The following PTPRQ variants were observed in gnomAD, a reference collection of about 807,000 sequenced individuals.
The protein encoded by PTPRQ is phosphatidylinositol phosphatase PTPRQ.
In PTPRQ, 199 loss-of-function variants were observed where a neutral mutation model predicts 246.0. The observed-to-expected ratio is 0.81, with a 90% CI of 0.72 to 0.91. PTPRQ has a LOEUF of 0.91. Ranked by LOEUF, PTPRQ falls within the 40% of genes least tolerant of loss-of-function variation. The pLI is 0.00. For missense variants in PTPRQ, 2,624 were observed against 2,528.4 expected (o/e 1.04, Z -0.81); for synonymous variants, 869 against 853.2 (o/e 1.02, Z -0.32).
chr12:80,666,136 T>C (rs1265086645), intron 39 of PTPRQ, among the ~76,000 whole-genome samples: 2 of 152,020 alleles, frequency 1.3e-5, no homozygotes, highest in Non-Finnish European at 2.9e-5. Context: ...TGCAGCACTA[T>C]TCACAATAGA....
chr12:80,490,781 A>G (rs1048796579), intron 9 of PTPRQ, among the ~76,000 whole-genome samples: 1 of 151,650 alleles, frequency 6.6e-6, no homozygotes, highest in Non-Finnish European at 1.5e-5. Flanking sequence ...TTTCCCTCCT[A>G]TTTCTCTCAT....
rs962278898 is a variant in PTPRQ, at chr12:80,492,037, A to G, written c.1360-1238A>G. On this transcript the variant is annotated intron_variant, in intron 9 of 44. Coordinates refer to ENST00000644991, the MANE Select transcript of PTPRQ (RefSeq NM_001145026.2). Reference sequence around the variant, plus strand: ...GAAGCAGAACTTGAAAAAAATTAGTAAAAGAGAGTAGATTTTTCAGCATAT... The same window carrying G: ...GAAGCAGAACTTGAAAAAAATTAGTGAAAGAGAGTAGATTTTTCAGCATAT... 1.7e-4 allele frequency among the ~76,000 whole-genome samples: 26 copies of G among 151,878 alleles called. 1 individual carries two copies. Among genetic ancestry groups the G allele is most frequent in the Non-Finnish European group, 8.8e-5 (6 of 67,872 alleles).
At chr12:80,593,047 T>C (rs1199201923) in intron 26 of PTPRQ, among the ~76,000 whole-genome samples, 2 of 152,064 alleles carry the variant, frequency 1.3e-5, no homozygotes. Context: ...TGTTTCATGA[T>C]ATAAAATAAA....
At chr12:80,626,175 A>G (rs1332861480) in intron 33 of PTPRQ, among the ~76,000 whole-genome samples, 1 of 152,198 alleles carries the variant, frequency 6.6e-6, no homozygotes, top group Non-Finnish European at 1.5e-5. Flanking sequence ...TTACTTCCCT[A>G]AAGTCACCAG....
At chr12:80,475,026 AAT>A (rs1434495833) in intron 8 of PTPRQ, among the ~76,000 whole-genome samples, 3 of 152,164 alleles carry the variant, frequency 2.0e-5, no homozygotes, top group African/African-American at 4.8e-5. Context: ...TGTTTTTCAA[AAT>A]ATACTTCTAA....
At chr12:80,505,078 G>T (rs576213514) in intron 14 of PTPRQ, among the ~76,000 whole-genome samples, 1 of 151,908 alleles carries the variant, frequency 6.6e-6, no homozygotes, top group African/African-American at 2.4e-5. Context: ...AGGTCTTTCT[G>T]CAGGGATATC....
At chr12:80,521,069 G>A (rs1895466268) in intron 17 of PTPRQ, among the ~76,000 whole-genome samples, 1 of 151,956 alleles carries the variant, frequency 6.6e-6, no homozygotes, top group South Asian at 2.1e-4. Context: ...GGTGTGAGAT[G>A]GTATCTCATT....
At chr12:80,618,103 G>A (rs772421340) in intron 30 of PTPRQ, among the ~76,000 whole-genome samples, 1 of 151,208 alleles carries the variant, frequency 6.6e-6, no homozygotes, top group Non-Finnish European at 1.5e-5. Flanking sequence ...TACCCAAACT[G>A]ATACATTGAG....
chr12:80,481,317 T>G (rs1391564943), intron 8 of PTPRQ, among the ~76,000 whole-genome samples: 1 of 152,116 alleles, frequency 6.6e-6, no homozygotes, highest in Non-Finnish European at 1.5e-5. Flanking sequence ...TTTGACAAAA[T>G]TCAACAATCC....
rs181869617 is a variant in PTPRQ at position 80,558,032 on chromosome 12, C to T, written c.4285+8298C>T. ...GTTTTTTTGTGTAGCAATCTTCCTT[C>T]CTCTCTCTCTCTTTCTCCCTTCCTC... On this transcript the variant is annotated intron_variant, in intron 25 of 44. Coordinates refer to ENST00000644991, the MANE Select transcript of PTPRQ (RefSeq NM_001145026.2). 4.1e-3 allele frequency among the ~76,000 whole-genome samples: 621 copies of T among 151,130 alleles called. 9 individuals are homozygous for T. Among genetic ancestry groups the T allele is most frequent in the African/African-American group, 0.015 (598 of 41,114 alleles).
At chr12:80,511,988 T>C (rs897644914) in intron 17 of PTPRQ, among the ~76,000 whole-genome samples, 1 of 152,204 alleles carries the variant, frequency 6.6e-6, no homozygotes, top group Non-Finnish European at 1.5e-5. Flanking sequence ...TAGGCTATTT[T>C]AGTAGTCTGG....
chr12:80,630,861 C>T (rs944803026), intron 33 of PTPRQ, among the ~76,000 whole-genome samples: 14 of 152,012 alleles, frequency 9.2e-5, no homozygotes, highest in East Asian at 1.9e-4. Context: ...GGATTACAGG[C>T]GCCTGCCACC....
At position 80,663,121 on chromosome 12, in the gene PTPRQ, T is replaced by C. The variant is rs1394938297; in HGVS notation, c.6192+5060T>C. On this transcript the variant is annotated intron_variant, in intron 39 of 44. Coordinates refer to ENST00000644991, the MANE Select transcript of PTPRQ (RefSeq NM_001145026.2). ...GGAAATGTGACCATATAAAGATATA[T>C]TTAAATAACAGATAATACATAGATA... Among the ~76,000 whole-genome samples, 3 of 151,348 alleles carry C rather than the reference T, an allele frequency of 2.0e-5. No individual in the cohort carries two copies. The East Asian group carries it at 5.8e-4, about 29-fold the overall frequency.
At chr12:80,607,614 G>C (rs907347051) in intron 27 of PTPRQ, among the ~76,000 whole-genome samples, 7 of 150,832 alleles carry the variant, frequency 4.6e-5, no homozygotes, top group African/African-American at 1.7e-4. Flanking sequence ...TCATTAATAT[G>C]TAATTATCAA....
rs1565836922 is a variant in PTPRQ at position 80,642,931 on chromosome 12, A to AC, written c.5916-5966_5916-5965insC. Among the ~76,000 whole-genome samples the AC allele has an allele frequency of 4.0e-4, 46 of 115,010 alleles. 1 individual carries two copies. Among genetic ancestry groups the AC allele is most frequent in the African/African-American group, 1.7e-3 (33 of 19,208 alleles). The allele number at this position is 115,010 out of a possible 152,430, so 75.5% of individuals were successfully genotyped here. On this transcript the variant is annotated intron_variant, in intron 35 of 44. Transcript: ENST00000644991. ...CGAGACTCCGTCTTAAAAAAAAAAA[A>AC]AAAAAAAAAAAAAAACAATTGAGTA...
chr12:80,505,971 A>AAT (rs1392801887), intron 14 of PTPRQ, 53 bp from the exon 15 acceptor site: 1 of 1,506,420 alleles, frequency 6.6e-7, no homozygotes, highest in African/African-American at 1.4e-5. Flanking sequence ...TTTCAGCAGA[A>AAT]TAGATTTTTA....
chr12:80,669,422 T>C lies in PTPRQ; in HGVS notation c.6411T>C (p.Asp2137=). 2 of 1,549,160 alleles carry C rather than the reference T, an allele frequency of 1.3e-6. No individual in the cohort carries two copies. Among genetic ancestry groups the C allele is most frequent in the Non-Finnish European group, 1.7e-6 (2 of 1,145,818 alleles). ...TAGTGATTACAAAGCTAATGGAGGA[T>C]GTTCAAATAGATTGGACTATCAGGG... ...GDIVITKLME[D]VQIDWTIRDL... is the part of the protein sequence containing the mutation. The change falls in exon 41 of 45, where the codon GAT becomes GAC. Residue 2137 remains aspartate, a synonymous_variant. Transcript: ENST00000644991.
chr12:80,468,468 A>G (rs1371290205), intron 6 of PTPRQ, among the ~76,000 whole-genome samples: 1 of 152,198 alleles, frequency 6.6e-6, no homozygotes, highest in South Asian at 2.1e-4. Context: ...GCGCAGTGCA[A>G]TAGTAAACAG....
intron 39 of PTPRQ, among the ~76,000 whole-genome samples, chr12:80,661,708 A>T (rs776536393): frequency 3.3e-5 from 5 of 151,720 alleles, no homozygotes; most frequent in Non-Finnish European, 5.9e-5. Context: ...AAATAAAGAA[A>T]ACCTGTTCAA....
Sources: allele counts gnomAD v4.1 joint callset (sites outside exome capture counted in the v4.1 genomes callset), GRCh38; gene constraint gnomAD v4.1.1; transcripts MANE v1.5; gene names NCBI Gene and HGNC (gene_info 2026-07-23, HGNC 2026-07-21).